The following CNTNAP2 variants were observed in gnomAD, a reference collection of about 807,000 sequenced individuals.
The protein encoded by CNTNAP2 is contactin associated protein 2, also known as contactin-associated protein-like 2.
A neutral mutation model predicts 155.2 loss-of-function variants in CNTNAP2; 98 were observed. The observed-to-expected ratio is 0.63, with a 90% CI of 0.54 to 0.75. The LOEUF (loss-of-function observed/expected upper bound fraction) is 0.75, where lower values mean the gene tolerates loss of function less well. CNTNAP2 is among the 30% of genes least tolerant of loss of function. The pLI is 0.00. For synonymous variants in CNTNAP2, 651 were observed against 631.2 expected (o/e 1.03, Z -0.47); for missense variants, 1,727 against 1,688.1 (o/e 1.02, Z -0.40).
intron 10 of CNTNAP2, among the ~76,000 whole-genome samples, chr7:147,436,642 C>T (rs1797551997): frequency 6.6e-6 from 1 of 152,176 alleles, no homozygotes; most frequent in Non-Finnish European, 1.5e-5. Flanking sequence ...CTGAGCTCAA[C>T]TCCACTGAAA....
At chr7:147,906,199 A>AT (rs112493447) in intron 14 of CNTNAP2, among the ~76,000 whole-genome samples, 78 of 150,370 alleles carry the variant, frequency 5.2e-4, no homozygotes, top group East Asian at 1.2e-3. Context: ...GAAAACATAG[A>AT]TTTTTTTTTT....
At chr7:147,039,065 G>A (rs1454210500) in intron 3 of CNTNAP2, among the ~76,000 whole-genome samples, 1 of 151,940 alleles carries the variant, frequency 6.6e-6, no homozygotes, top group Non-Finnish European at 1.5e-5. Flanking sequence ...TTGCCTTTCT[G>A]GCCTTTGCAT....
At chr7:147,307,227 T>C (rs757338332) in intron 9 of CNTNAP2, among the ~76,000 whole-genome samples, 10 of 152,202 alleles carry the variant, frequency 6.6e-5, no homozygotes, top group Non-Finnish European at 1.2e-4. Context: ...GTAAGAAATG[T>C]CCTCACATTT....
intron 12 of CNTNAP2, among the ~76,000 whole-genome samples, chr7:147,625,299 G>T (rs1794947923): frequency 6.6e-6 from 1 of 152,110 alleles, no homozygotes; most frequent in African/African-American, 2.4e-5. Context: ...TGAGTGGATG[G>T]ATACCTCCTT....
intron 13 of CNTNAP2, among the ~76,000 whole-genome samples, chr7:147,732,197 C>A (rs188445681): frequency 0.01 from 1,521 of 148,950 alleles, 81 homozygotes; most frequent in Admixed American, 0.083. Flanking sequence ...CCCCACCACC[C>A]CCATGACAGG....
At chr7:148,369,913 G>A (rs1798856743) in intron 21 of CNTNAP2, among the ~76,000 whole-genome samples, 1 of 152,058 alleles carries the variant, frequency 6.6e-6, no homozygotes, top group Admixed American at 6.6e-5. Flanking sequence ...TTAAATGAAG[G>A]TTATTATAAT....
At chr7:146,370,284 A>C (rs2129102593) in intron 1 of CNTNAP2, among the ~76,000 whole-genome samples, 1 of 146,006 alleles carries the variant, frequency 6.8e-6, no homozygotes, top group African/African-American at 2.6e-5. Context: ...AAAAAAAAAA[A>C]AAAAATTAGC....
At chr7:147,816,680 C>T (rs1798271752) in intron 13 of CNTNAP2, among the ~76,000 whole-genome samples, 1 of 152,060 alleles carries the variant, frequency 6.6e-6, no homozygotes, top group African/African-American at 2.4e-5. Context: ...TTTATTCTGA[C>T]TTTAAAGGGA....
At chr7:146,751,077 G>A (rs1227860076) in intron 1 of CNTNAP2, among the ~76,000 whole-genome samples, 1 of 152,110 alleles carries the variant, frequency 6.6e-6, no homozygotes, top group Non-Finnish European at 1.5e-5. Context: ...AATGGTGTTT[G>A]GGTTATACAT....
intron 15 of CNTNAP2, among the ~76,000 whole-genome samples, chr7:148,049,928 C>T (rs200476444): frequency 2.0e-5 from 3 of 152,042 alleles, no homozygotes; most frequent in East Asian, 3.9e-4. Flanking sequence ...TTTGGGAGGC[C>T]GAGGCAGGTG....
intron 3 of CNTNAP2, among the ~76,000 whole-genome samples, chr7:146,982,641 C>T (rs746484480): frequency 1.1e-4 from 17 of 152,142 alleles, no homozygotes; most frequent in Non-Finnish European, 2.2e-4. Context: ...GTCACTAGCT[C>T]AATCACCAAG....
At chr7:147,297,380 G>A (rs976142549) in intron 8 of CNTNAP2, among the ~76,000 whole-genome samples, 1 of 151,988 alleles carries the variant, frequency 6.6e-6, no homozygotes, top group Non-Finnish European at 1.5e-5. Flanking sequence ...AGTGATAGAA[G>A]ACAGAAAATT....
chr7:146,935,610 C>G (rs1343471872), intron 3 of CNTNAP2, among the ~76,000 whole-genome samples: 1 of 152,172 alleles, frequency 6.6e-6, no homozygotes, highest in African/African-American at 2.4e-5. Context: ...CTAGCAAACT[C>G]TACTTTAAAG....
chr7:146,134,082 T>A (rs1429425409), intron 1 of CNTNAP2, among the ~76,000 whole-genome samples: 2 of 149,404 alleles, frequency 1.3e-5, no homozygotes, highest in Non-Finnish European at 3.0e-5. Context: ...TATCCTCTTT[T>A]ATTTCCTTGA....
intron 1 of CNTNAP2, among the ~76,000 whole-genome samples, chr7:146,537,305 G>T (rs1797884098): frequency 6.6e-6 from 1 of 151,954 alleles, no homozygotes; most frequent in Non-Finnish European, 1.5e-5. Flanking sequence ...TTCAAAATAA[G>T]TATCTGAGAA....
intron 10 of CNTNAP2, among the ~76,000 whole-genome samples, chr7:147,409,409 A>G (rs1563193888): frequency 6.6e-6 from 1 of 152,222 alleles, no homozygotes; most frequent in Non-Finnish European, 1.5e-5. Flanking sequence ...CTCAAGATAG[A>G]TTAAAGAATT....
chr7:147,322,102 C>T (rs562280221), intron 9 of CNTNAP2, among the ~76,000 whole-genome samples: 1 of 152,246 alleles, frequency 6.6e-6, no homozygotes, highest in Non-Finnish European at 1.5e-5. Context: ...CCAGATATTA[C>T]ATCCAAGTTC....
rs75570712 is a variant in CNTNAP2, at chr7:147,679,997, C to A, written c.2098+40691C>A. Among the ~76,000 whole-genome samples, 39 of 151,584 alleles carry A rather than the reference C, an allele frequency of 2.6e-4. 1 individual carries two copies. The East Asian group carries it at 7.4e-3, about 29-fold the overall frequency. On this transcript the variant is annotated intron_variant, in intron 13 of 23. Coordinates refer to ENST00000361727, the MANE Select transcript of CNTNAP2 (RefSeq NM_014141.6). ...TTTTTTTTTTTAATTCCACTGGTTA[C>A]AGATTCCAAATTTCATCCATTCCTT...
chr7:148,026,590 A>G (rs764155813), intron 15 of CNTNAP2, among the ~76,000 whole-genome samples: 20 of 152,144 alleles, frequency 1.3e-4, no homozygotes, highest in Non-Finnish European at 2.1e-4. Context: ...CAGATTCTTG[A>G]TTTGCCTCCT....
Sources: gnomAD v4.1 joint callset for allele counts (sites outside exome capture counted in the v4.1 genomes callset) on GRCh38, gnomAD v4.1.1 for gene constraint, MANE v1.5 for transcripts, NCBI Gene and HGNC (gene_info 2026-07-23, HGNC 2026-07-21) for gene names.